Variants in ANKS1B observed in about 807,000 individuals in gnomAD.
The protein encoded by ANKS1B is ankyrin repeat and sterile alpha motif domain-containing protein 1B.
A neutral mutation model predicts 148.3 loss-of-function variants in ANKS1B; 36 were observed. That is an observed-to-expected ratio of 0.24 (90% CI 0.19 to 0.32). The LOEUF (loss-of-function observed/expected upper bound fraction) is 0.32. Among genes scored for constraint, ANKS1B ranks in the 10% least tolerant of loss-of-function variants. The pLI is 1.00. For synonymous variants in ANKS1B, 542 were observed against 560.8 expected, an observed-to-expected ratio of 0.97 and a Z score of 0.47; for missense variants, 1,157 against 1,542.6, an observed-to-expected ratio of 0.75 and a Z score of 4.19.
At chr12:99,790,556 A>G (rs2065521237) in intron 4 of ANKS1B, among the ~76,000 whole-genome samples, 1 of 152,166 alleles carries the variant, frequency 6.6e-6, no homozygotes, top group African/African-American at 2.4e-5. Context: ...ATGAATTTTC[A>G]AGACACAGAG....
intron 17 of ANKS1B, among the ~76,000 whole-genome samples, chr12:98,953,941 A>T (rs1030686269): frequency 3.3e-5 from 5 of 152,054 alleles, no homozygotes; most frequent in African/African-American, 1.2e-4. Context: ...CATCTTTTTG[A>T]TATGACCATT....
At chr12:99,600,507 A>G (rs2097792023) in intron 9 of ANKS1B, among the ~76,000 whole-genome samples, 1 of 152,148 alleles carries the variant, frequency 6.6e-6, no homozygotes, top group South Asian at 2.1e-4. Context: ...AGTGACTGAG[A>G]AAAGCTACAG....
intron 16 of ANKS1B, among the ~76,000 whole-genome samples, chr12:99,073,326 T>C (rs1347885032): frequency 6.6e-6 from 1 of 152,182 alleles, no homozygotes. Context: ...CCTAGATTAA[T>C]CCCATAAAAA....
chr12:99,661,172 C>T, intron 8 of ANKS1B, among the ~76,000 whole-genome samples: 1 of 152,154 alleles, frequency 6.6e-6, no homozygotes, highest in Non-Finnish European at 1.5e-5. Flanking sequence ...TAAAGGAACT[C>T]CCAAATCTTC....
intron 24 of ANKS1B, among the ~76,000 whole-genome samples, chr12:98,777,501 C>T (rs967708424): frequency 2.0e-4 from 30 of 152,148 alleles, no homozygotes; most frequent in Admixed American, 1.8e-3. Context: ...CCTCCCTCCC[C>T]GACTCCCCCA....
chr12:99,031,861 T>G (rs1380657359), intron 17 of ANKS1B, among the ~76,000 whole-genome samples: 1 of 152,228 alleles, frequency 6.6e-6, no homozygotes, highest in Non-Finnish European at 1.5e-5. Context: ...TTTTGGTCAC[T>G]TGAAGCTAAA....
At chr12:99,114,424 C>T (rs943625681) in intron 15 of ANKS1B, among the ~76,000 whole-genome samples, 2 of 152,152 alleles carry the variant, frequency 1.3e-5, no homozygotes, top group African/African-American at 4.8e-5. Flanking sequence ...GCAAACTATG[C>T]ATCTGACAGA....
chr12:99,116,157 T>G (rs1267621186), intron 15 of ANKS1B, among the ~76,000 whole-genome samples: 1 of 152,144 alleles, frequency 6.6e-6, no homozygotes, highest in Non-Finnish European at 1.5e-5. Flanking sequence ...ATCTGACACA[T>G]AGCAAGCACT....
chr12:99,176,114 G>T (rs2078354516), intron 14 of ANKS1B, among the ~76,000 whole-genome samples: 1 of 152,090 alleles, frequency 6.6e-6, no homozygotes, highest in Non-Finnish European at 1.5e-5. Context: ...CTCCCTAAGT[G>T]CTAGGATTAC....
intron 17 of ANKS1B, among the ~76,000 whole-genome samples, chr12:98,973,909 T>C (rs894609341): frequency 1.9e-4 from 29 of 152,082 alleles, no homozygotes; most frequent in Non-Finnish European, 8.8e-5. Flanking sequence ...ATCACAGGTA[T>C]GTATCTATAG....
rs34999951 is a variant in ANKS1B, at chr12:99,951,713, G to GA, written c.134+32390dup. Among the ~76,000 whole-genome samples the GA allele has an allele frequency of 2.2e-3, 315 of 143,944 alleles. 5 individuals are homozygous for GA. The East Asian group carries it at 0.041, about 19-fold the overall frequency. 94.4% of individuals were successfully genotyped at this position (143,944 alleles called of 152,430 possible). On this transcript the variant is annotated intron_variant, in intron 1 of 26. Transcript: ENST00000683438. ...AACATAGCAAGACCTTGCCTCTACC[G>GA]AAAAAAAAAAAAAAATTAAAATTAG...
intron 9 of ANKS1B, among the ~76,000 whole-genome samples, chr12:99,635,392 T>C (rs569185317): frequency 2.0e-5 from 3 of 152,238 alleles, no homozygotes; most frequent in South Asian, 4.1e-4. Context: ...CAAAATATGG[T>C]ATATACACAC....
At chr12:99,340,030 G>A (rs1466565918) in intron 12 of ANKS1B, among the ~76,000 whole-genome samples, 1 of 151,886 alleles carries the variant, frequency 6.6e-6, no homozygotes, top group East Asian at 1.9e-4. Flanking sequence ...ATAAACTTAT[G>A]GGGTCATATT....
chr12:99,583,685 T>C (rs1293505540), intron 9 of ANKS1B, among the ~76,000 whole-genome samples: 1 of 152,186 alleles, frequency 6.6e-6, no homozygotes, highest in Non-Finnish European at 1.5e-5. Flanking sequence ...TTTCAGGATA[T>C]GCAGCATTTT....
intron 17 of ANKS1B, among the ~76,000 whole-genome samples, chr12:98,871,364 T>G (rs1001321636): frequency 2.4e-4 from 36 of 152,184 alleles, no homozygotes; most frequent in African/African-American, 7.0e-4. Context: ...TTCAATAACA[T>G]AATTTCTACG....
At chr12:99,130,941 A>C (rs934236290) in intron 15 of ANKS1B, among the ~76,000 whole-genome samples, 3 of 152,214 alleles carry the variant, frequency 2.0e-5, no homozygotes, top group African/African-American at 7.2e-5. Context: ...ACTGGTTCAA[A>C]GACCACTTCT....
At chr12:99,550,351 C>G (rs74240141) in intron 9 of ANKS1B, among the ~76,000 whole-genome samples, 1 of 152,218 alleles carries the variant, frequency 6.6e-6, no homozygotes, top group South Asian at 2.1e-4. Flanking sequence ...CAATCAAGCG[C>G]GGTGGCTTAG....
At chr12:99,155,195 CCTTT>C in intron 14 of ANKS1B, 1 of 1,251,562 alleles carries the variant, frequency 8.0e-7, no homozygotes, top group Non-Finnish European at 1.1e-6. Flanking sequence ...TTCTCCTTTT[CCTTT>C]CTTTCCTGTC....
chr12:99,260,371 G>A (rs2075794608), intron 12 of ANKS1B, among the ~76,000 whole-genome samples: 1 of 152,164 alleles, frequency 6.6e-6, no homozygotes, highest in Non-Finnish European at 1.5e-5. Flanking sequence ...AATGTCCTCA[G>A]TAAAAGCTCT....
Sources: allele counts gnomAD v4.1 joint callset (sites outside exome capture counted in the v4.1 genomes callset), GRCh38; gene constraint gnomAD v4.1.1; transcripts MANE v1.5; gene names NCBI Gene and HGNC (gene_info 2026-07-23, HGNC 2026-07-21).